ARID5B: variants seen among roughly 807,000 people sequenced by gnomAD.
ARID5B encodes the protein AT-rich interactive domain-containing protein 5B.
A neutral mutation model predicts 97.2 loss-of-function variants in ARID5B; 13 were observed. That is an observed-to-expected ratio of 0.13 (90% CI 0.09 to 0.21). The LOEUF (loss-of-function observed/expected upper bound fraction) is 0.21. Among genes scored for constraint, ARID5B ranks in the 10% least tolerant of loss-of-function variants. The probability of loss-of-function intolerance (pLI) is 1.00; values close to 1 mark genes in which losing one functional copy is unlikely to be tolerated. For synonymous variants in ARID5B, 556 were observed against 570.3 expected, an observed-to-expected ratio of 0.97 and a Z score of 0.36; for missense variants, 1,210 against 1,465.3, an observed-to-expected ratio of 0.83 and a Z score of 2.84.
intron 5 of ARID5B, among the ~76,000 whole-genome samples, chr10:62,053,314 C>T (rs1464275693): frequency 6.6e-6 from 1 of 152,206 alleles, no homozygotes; most frequent in African/African-American, 2.4e-5. Context: ...CAGCAAAGCT[C>T]TTAGAGTGGG....
chr10:61,937,326 C>T (rs1844322813), intron 2 of ARID5B, among the ~76,000 whole-genome samples: 1 of 152,080 alleles, frequency 6.6e-6, no homozygotes, highest in South Asian at 2.1e-4. Context: ...AGTTTTAGAA[C>T]ACTTGGAAGG....
chr10:62,017,024 C>G (rs1040969016), intron 4 of ARID5B, among the ~76,000 whole-genome samples: 3 of 152,064 alleles, frequency 2.0e-5, no homozygotes, highest in African/African-American at 7.2e-5. Context: ...AGAGTGAACT[C>G]AATATTACAA....
intron 3 of ARID5B, among the ~76,000 whole-genome samples, chr10:61,956,453 A>C (rs538548108): frequency 2.6e-5 from 4 of 152,370 alleles, no homozygotes; most frequent in African/African-American, 9.6e-5. Flanking sequence ...AAACAATTGT[A>C]TTAACTGTAT....
rs189739374 is a variant in ARID5B, at chr10:62,063,399, A to C, written c.1101+4104A>C. Among the ~76,000 whole-genome samples, 359 of 152,242 alleles carry C rather than the reference A, an allele frequency of 2.4e-3. 1 individual carries two copies. Among genetic ancestry groups the C allele is most frequent in the Non-Finnish European group, 4.1e-3 (281 of 68,010 alleles). On this transcript the variant is annotated intron_variant, in intron 7 of 9. Transcript: ENST00000279873. ...TCCCTTCTGGTTATAAAAAGAGGCC[A>C]TCTTAATTGGCTTGTTTTTGTTTGT...
chr10:61,924,932 T>C (rs139387599), intron 2 of ARID5B, among the ~76,000 whole-genome samples: 2 of 152,258 alleles, frequency 1.3e-5, no homozygotes, highest in South Asian at 2.1e-4. Flanking sequence ...AGGCTGGGCA[T>C]AGTGGCTCAT....
At chr10:61,905,597 C>T (rs77271271) in intron 2 of ARID5B, among the ~76,000 whole-genome samples, 4,306 of 152,090 alleles carry the variant, frequency 0.028, 195 homozygotes, top group African/African-American at 0.097. Context: ...AGAACCCAGG[C>T]CTCCTTGAAA....
At chr10:62,069,532 C>T (rs192571738) in intron 7 of ARID5B, among the ~76,000 whole-genome samples, 168 bp from the exon 8 acceptor site, 3 of 151,980 alleles carry the variant, frequency 2.0e-5, no homozygotes, top group African/African-American at 4.8e-5. Flanking sequence ...GTGCTGAAAG[C>T]GAGATCTCAC....
At chr10:62,072,062 A>G (rs1840072310) in intron 8 of ARID5B, among the ~76,000 whole-genome samples, 1 of 152,224 alleles carries the variant, frequency 6.6e-6, no homozygotes, top group African/African-American at 2.4e-5. Flanking sequence ...GTGACAGAAC[A>G]GAGAAGAGAG....
At chr10:62,035,602 T>C (rs1398889910) in intron 4 of ARID5B, among the ~76,000 whole-genome samples, 1 of 152,144 alleles carries the variant, frequency 6.6e-6, no homozygotes, top group Non-Finnish European at 1.5e-5. Flanking sequence ...GTGATTCTCC[T>C]GTCCCAGCCT....
intron 4 of ARID5B, among the ~76,000 whole-genome samples, chr10:62,027,888 C>T (rs1589264250): frequency 6.6e-6 from 1 of 152,286 alleles, no homozygotes; most frequent in Middle Eastern, 3.4e-3. Context: ...TTCTTACTCT[C>T]ACCCTTTCAT....
intron 3 of ARID5B, among the ~76,000 whole-genome samples, chr10:61,981,797 C>T (rs1838780327): frequency 1.3e-5 from 2 of 152,150 alleles, no homozygotes; most frequent in African/African-American, 2.4e-5. Context: ...CTCTTAACAC[C>T]TGTCTGTTAC....
chr10:61,984,917 C>T (rs897338424), intron 3 of ARID5B, among the ~76,000 whole-genome samples: 2 of 152,102 alleles, frequency 1.3e-5, no homozygotes, highest in African/African-American at 4.8e-5. Context: ...TCCAGGCCTC[C>T]TTAGCTGTGT....
rs1319963572 is a variant in ARID5B, at chr10:62,000,797, T to G, written c.733+476T>G. On this transcript the variant is annotated intron_variant, in intron 4 of 9. Transcript: ENST00000279873. The surrounding 1 kb of genome is among the most constrained non-coding windows in gnomAD (Gnocchi z 4.4). ...TATGGTGGATAAATAGATAACCACT[T>G]TAGTACTGTACAGTAGATAGACACG... is the stretch of plus-strand genomic sequence containing the variant. Among the ~76,000 whole-genome samples the G allele has an allele frequency of 6.6e-6, 1 of 151,944 alleles. No homozygotes were observed. The highest frequency in any genetic ancestry group is 6.6e-5 in the Admixed American group (1 of 15,250).
At chr10:61,941,681 T>C (rs577996791) in intron 3 of ARID5B, among the ~76,000 whole-genome samples, 3 of 152,328 alleles carry the variant, frequency 2.0e-5, no homozygotes, top group South Asian at 4.1e-4. Flanking sequence ...TAATATTTTC[T>C]TGCAGTTTGA....
intron 3 of ARID5B, among the ~76,000 whole-genome samples, chr10:61,975,309 G>A (rs1838683891): frequency 6.6e-6 from 1 of 152,102 alleles, no homozygotes; most frequent in Non-Finnish European, 1.5e-5. Context: ...TATTAAGGAG[G>A]ACAATCGATT....
intron 4 of ARID5B, among the ~76,000 whole-genome samples, chr10:62,021,029 AATATATATATATATATATAT>A (rs10528323): frequency 3.7e-4 from 40 of 106,856 alleles, no homozygotes; most frequent in African/African-American, 9.6e-4. Flanking sequence ...TTGTCACATG[AATATATATATATATATATAT>A]ATATATATAT....
intron 6 of ARID5B, 138 bp downstream of exon 6, chr10:62,057,456 G>T (rs1216089505): frequency 7.7e-6 from 7 of 912,604 alleles, no homozygotes; most frequent in Non-Finnish European, 1.1e-5. Flanking sequence ...ATCCATAAAT[G>T]TTCCAGGCCA....
intron 3 of ARID5B, among the ~76,000 whole-genome samples, chr10:61,962,225 T>C (rs979760092): frequency 6.6e-6 from 1 of 152,204 alleles, no homozygotes; most frequent in African/African-American, 2.4e-5. Context: ...ATCCTTCGGA[T>C]TGTCTGCATT....
intron 4 of ARID5B, among the ~76,000 whole-genome samples, chr10:62,003,292 T>G (rs1473543300): frequency 6.6e-6 from 1 of 152,098 alleles, no homozygotes; most frequent in Non-Finnish European, 1.5e-5. Flanking sequence ...ATTAAGTATT[T>G]GATGAGTGTT....
Sources: gnomAD v4.1 joint callset for allele counts (sites outside exome capture counted in the v4.1 genomes callset) on GRCh38, gnomAD v4.1.1 for gene constraint, Gnocchi (gnomAD v3.1) non-coding constraint, MANE v1.5 for transcripts, NCBI Gene and HGNC (gene_info 2026-07-23, HGNC 2026-07-21) for gene names.